PTPRD: variants seen among roughly 807,000 people sequenced by gnomAD.
The protein encoded by PTPRD is protein tyrosine phosphatase receptor type D.
Under a neutral mutation model 214.5 loss-of-function variants are expected in PTPRD, and 34 were observed. The ratio of observed to expected loss-of-function variants is 0.16; its 90% CI spans 0.12 to 0.21. The LOEUF is 0.21. PTPRD is among the 10% of genes least tolerant of loss of function. PTPRD has a pLI of 1.00. For synonymous variants in PTPRD, 1,128 were observed against 845.7 expected (o/e 1.33, Z -5.79); for missense variants, 2,545 against 2,398.7 (o/e 1.06, Z -1.27).
At chr9:10,271,549 C>CTT (rs35231135) in intron 3 of PTPRD, among the ~76,000 whole-genome samples, 21 of 51,570 alleles carry the variant, frequency 4.1e-4, no homozygotes, top group East Asian at 2.2e-3. Flanking sequence ...CTTTTCTTTT[C>CTT]TTTTTTTTTT....
At chr9:10,432,763 A>T (rs1194864444) in intron 2 of PTPRD, among the ~76,000 whole-genome samples, 1 of 151,988 alleles carries the variant, frequency 6.6e-6, no homozygotes, top group African/African-American at 2.4e-5. Flanking sequence ...CTAGCCTTCT[A>T]TGCTCCAGGG....
At chr9:8,791,631 G>A (rs923967691) in intron 11 of PTPRD, among the ~76,000 whole-genome samples, 2 of 149,578 alleles carry the variant, frequency 1.3e-5, no homozygotes, top group Admixed American at 1.4e-4. Flanking sequence ...AGTTTCAAGC[G>A]ATTCTGGAGG....
chr9:8,955,979 A>G (rs556692350), intron 11 of PTPRD, among the ~76,000 whole-genome samples: 1 of 152,068 alleles, frequency 6.6e-6, no homozygotes, highest in East Asian at 1.9e-4. Flanking sequence ...GTCCAAATAT[A>G]TCTGGCCATT....
intron 9 of PTPRD, among the ~76,000 whole-genome samples, chr9:9,306,969 A>G (rs1017914479): frequency 6.6e-6 from 1 of 152,200 alleles, no homozygotes; most frequent in Non-Finnish European, 1.5e-5. Flanking sequence ...GACAAATTCT[A>G]AAGACATTCT....
chr9:9,460,131 CT>C (rs1021343440), intron 8 of PTPRD, among the ~76,000 whole-genome samples: 1 of 151,954 alleles, frequency 6.6e-6, no homozygotes, highest in Non-Finnish European at 1.5e-5. Context: ...CTAAAAACAC[CT>C]GGCTAGCTAT....
intron 14 of PTPRD, among the ~76,000 whole-genome samples, chr9:8,615,071 A>G (rs1329105370): frequency 3.3e-5 from 5 of 152,112 alleles, no homozygotes; most frequent in African/African-American, 1.2e-4. Flanking sequence ...ACCTGCTTTG[A>G]TAATGTTCTG....
At chr9:10,140,096 AGCTCTGACAATCTGT>A (rs2098972895) in intron 3 of PTPRD, among the ~76,000 whole-genome samples, 1 of 152,020 alleles carries the variant, frequency 6.6e-6, no homozygotes, top group African/African-American at 2.4e-5. Context: ...GATGTGAAGA[AGCTCTGACAATCTGT>A]GCTCAGACAA....
rs1174602904 is a variant in PTPRD at position 10,325,940 on chromosome 9, TAACA to T, written c.-545+15019_-545+15022del. Among the ~76,000 whole-genome samples the T allele has an allele frequency of 3.9e-5, 6 of 152,004 alleles. No homozygotes were observed. The South Asian group carries it at 8.3e-4, about 21-fold the overall frequency. On this transcript the variant is annotated intron_variant, in intron 3 of 45. Transcript: ENST00000381196. ...ACCCCACTGTAATAATTTTTTTATG[TAACA>T]AACAGAAACTGCTTTCAGATCATTT...
At chr9:8,974,931 T>C (rs1419577081) in intron 11 of PTPRD, among the ~76,000 whole-genome samples, 1 of 151,532 alleles carries the variant, frequency 6.6e-6, no homozygotes, top group Non-Finnish European at 1.5e-5. Flanking sequence ...ACCCCGTCTG[T>C]ACTAAAAATA....
chr9:9,873,720 G>A (rs2066095538), intron 5 of PTPRD, among the ~76,000 whole-genome samples: 1 of 152,056 alleles, frequency 6.6e-6, no homozygotes, highest in Non-Finnish European at 1.5e-5. Context: ...TAATAAATGA[G>A]CATTCTTAAT....
intron 7 of PTPRD, among the ~76,000 whole-genome samples, chr9:9,670,671 C>T (rs2154386298): frequency 6.6e-6 from 1 of 152,292 alleles, no homozygotes; most frequent in East Asian, 1.9e-4. Flanking sequence ...GCTGTGCCTG[C>T]CATGGCTGAA....
chr9:10,224,319 G>C (rs1362552714), intron 3 of PTPRD, among the ~76,000 whole-genome samples: 2 of 151,916 alleles, frequency 1.3e-5, no homozygotes, highest in East Asian at 3.9e-4. Flanking sequence ...AATTTGTATG[G>C]ATTAGAATTA....
At chr9:9,902,284 G>T (rs990349048) in intron 5 of PTPRD, among the ~76,000 whole-genome samples, 3 of 152,030 alleles carry the variant, frequency 2.0e-5, no homozygotes, top group Non-Finnish European at 4.4e-5. Flanking sequence ...TCTAATTTAT[G>T]TATCTTTGTG....
At chr9:9,382,286 C>G (rs528078487) in intron 9 of PTPRD, among the ~76,000 whole-genome samples, 1 of 151,976 alleles carries the variant, frequency 6.6e-6, no homozygotes, top group Non-Finnish European at 1.5e-5. Context: ...AGGGGAAAAA[C>G]TTCTTGACAT....
chr9:8,576,819 C>A (rs772973383), intron 14 of PTPRD, among the ~76,000 whole-genome samples: 1 of 152,090 alleles, frequency 6.6e-6, no homozygotes, highest in African/African-American at 2.4e-5. Flanking sequence ...CAAACCAATG[C>A]CAACCCAGAA....
intron 21 of PTPRD, among the ~76,000 whole-genome samples, chr9:8,511,750 G>A (rs2097686871): frequency 6.6e-6 from 1 of 152,066 alleles, no homozygotes. Flanking sequence ...ATTATATACT[G>A]TAAAAGTATG....
intron 11 of PTPRD, among the ~76,000 whole-genome samples, chr9:8,934,520 A>T (rs4475546): frequency 0.05 from 840 of 16,886 alleles, 98 homozygotes; most frequent in East Asian, 0.28. Context: ...TATATATATA[A>T]ATATATATAT....
At chr9:9,915,357 AC>A (rs975456685) in intron 5 of PTPRD, among the ~76,000 whole-genome samples, 9 of 152,136 alleles carry the variant, frequency 5.9e-5, no homozygotes, top group African/African-American at 2.2e-4. Context: ...TCCAAAAAAA[AC>A]TGATTATCTA....
intron 11 of PTPRD, among the ~76,000 whole-genome samples, chr9:8,933,340 G>GTTTTGTTTTTTTTTTT (rs2098966631): frequency 1.2e-5 from 1 of 80,430 alleles, no homozygotes; most frequent in African/African-American, 5.1e-5. Context: ...CAACCTTGAG[G>GTTTTGTTTTTTTTTTT]TTTTTTTTTT....
Sources: gnomAD v4.1 joint callset for allele counts (sites outside exome capture counted in the v4.1 genomes callset) on GRCh38, gnomAD v4.1.1 for gene constraint, MANE v1.5 for transcripts, NCBI Gene and HGNC (gene_info 2026-07-23, HGNC 2026-07-21) for gene names.